Variants in SEL1L3 observed in about 807,000 individuals in gnomAD.
SEL1L3 encodes the protein protein sel-1 homolog 3.
A neutral mutation model predicts 142.8 loss-of-function variants in SEL1L3; 76 were observed. The ratio of observed to expected loss-of-function variants is 0.53; its 90% CI spans 0.44 to 0.64. The LOEUF is 0.64. Ranked by LOEUF, SEL1L3 falls within the 30% of genes least tolerant of loss-of-function variation. The probability of loss-of-function intolerance (pLI) is 0.00; values close to 1 mark genes in which losing one functional copy is unlikely to be tolerated. For missense variants in SEL1L3, 1,262 were observed against 1,381.7 expected (o/e 0.91, Z 1.37); for synonymous variants, 504 against 519.6 (o/e 0.97, Z 0.41).
chr4:25,850,119 G>A (rs185257865), intron 1 of SEL1L3, among the ~76,000 whole-genome samples: 12 of 152,280 alleles, frequency 7.9e-5, no homozygotes, highest in East Asian at 5.8e-4. Context: ...ATGTGGACAC[G>A]CAGGTATGAG....
the SEL1L3 span, among the ~76,000 whole-genome samples, chr4:25,731,944 C>T: frequency 3.9e-5 from 6 of 152,120 alleles, no homozygotes; most frequent in East Asian, 7.8e-4. Flanking sequence ...CATGGTGGTG[C>T]GTGTCTGTAA....
rs534884320 is a variant in SEL1L3 at position 25,768,414 on chromosome 4, T to C, written c.2670-584A>G. On this transcript the variant is annotated intron_variant, in intron 17 of 23. Transcript: ENST00000399878. Reference sequence around the variant, plus strand: ...GACCACTTTTCATCTGTTGAAAGATTGGTACAAGATTCATATTTGGAATAA... The same window carrying C: ...GACCACTTTTCATCTGTTGAAAGATCGGTACAAGATTCATATTTGGAATAA... Among the ~76,000 whole-genome samples, 5 of 152,278 alleles carry C rather than the reference T, an allele frequency of 3.3e-5. No individual in the cohort carries two copies. The East Asian group carries it at 9.6e-4, about 29-fold the overall frequency.
chr4:25,836,053 T>G (rs1401831686), intron 2 of SEL1L3, among the ~76,000 whole-genome samples: 2 of 152,178 alleles, frequency 1.3e-5, no homozygotes, highest in African/African-American at 2.4e-5. Context: ...AAATTGCAGT[T>G]TTTTTTCTTC....
At chr4:25,843,734 A>G (rs1716320333) in intron 2 of SEL1L3, among the ~76,000 whole-genome samples, 1 of 152,230 alleles carries the variant, frequency 6.6e-6, no homozygotes, top group East Asian at 1.9e-4. Context: ...CGTGTTCCCA[A>G]TGGCTACCGA....
At chr4:25,734,983 A>T in the SEL1L3 span, among the ~76,000 whole-genome samples, 1 of 151,124 alleles carries the variant, frequency 6.6e-6, no homozygotes, top group East Asian at 2.0e-4. Context: ...GTTCAGAAGT[A>T]TTTTTTTTCT....
At chr4:25,785,722 G>T (rs963365941) in intron 13 of SEL1L3, among the ~76,000 whole-genome samples, 2 of 152,164 alleles carry the variant, frequency 1.3e-5, no homozygotes, top group Admixed American at 1.3e-4. Context: ...AGTAACTGGA[G>T]AGGGGAGGAG....
At chr4:25,754,204 A>T (rs1004247096) in intron 23 of SEL1L3, among the ~76,000 whole-genome samples, 1 of 151,504 alleles carries the variant, frequency 6.6e-6, no homozygotes, top group Non-Finnish European at 1.5e-5. Flanking sequence ...CGGGAGGCTG[A>T]GGCAGAAGAA....
intron 1 of SEL1L3, among the ~76,000 whole-genome samples, chr4:25,849,887 T>C (rs535729834): frequency 1.8e-4 from 27 of 152,296 alleles, no homozygotes; most frequent in Non-Finnish European, 3.4e-4. Context: ...CCCATCAAAC[T>C]GTAAACAAGC....
intron 23 of SEL1L3, among the ~76,000 whole-genome samples, chr4:25,751,933 AC>A (rs1238914117): frequency 6.6e-6 from 1 of 151,710 alleles, no homozygotes; most frequent in Non-Finnish European, 1.5e-5. Flanking sequence ...ACATGGTGAA[AC>A]CCTGTCTCTA....
intron 1 of SEL1L3, among the ~76,000 whole-genome samples, chr4:25,858,448 C>G (rs187540717): frequency 4.6e-5 from 7 of 152,162 alleles, no homozygotes; most frequent in African/African-American, 1.7e-4. Context: ...GATGGATGAC[C>G]GAGGGTGTGT....
intron 9 of SEL1L3, among the ~76,000 whole-genome samples, chr4:25,809,408 G>A (rs776895979): frequency 1.3e-5 from 2 of 151,290 alleles, no homozygotes; most frequent in East Asian, 3.9e-4. Flanking sequence ...GCCTACCAAA[G>A]TGCTGGGATT....
At chr4:25,765,018 A>C (rs1365688316) in intron 20 of SEL1L3, among the ~76,000 whole-genome samples, 2 of 152,142 alleles carry the variant, frequency 1.3e-5, no homozygotes. Flanking sequence ...TTTCTGAGAC[A>C]GGGTCTTGCT....
At position 25,790,106 on chromosome 4, in the gene SEL1L3, T is replaced by C. The variant is rs573454430; in HGVS notation, c.2076+349A>G. 9.2e-5 allele frequency among the ~76,000 whole-genome samples: 14 copies of C among 152,322 alleles called. No individual in the cohort carries two copies. In the East Asian group the frequency reaches 2.7e-3, roughly 29 times the overall value. On this transcript the variant is annotated intron_variant, in intron 12 of 23. Coordinates refer to ENST00000399878, the MANE Select transcript of SEL1L3 (RefSeq NM_015187.5). ...TCTTTAGAGCTGGTCATAAATATTGTGGCTTTCCCTCTTTCTGGGTGAGTG... is the reference window on the plus strand; with the variant it reads ...TCTTTAGAGCTGGTCATAAATATTGCGGCTTTCCCTCTTTCTGGGTGAGTG...
intron 6 of SEL1L3, among the ~76,000 whole-genome samples, chr4:25,828,040 C>T (rs1198173906): frequency 6.6e-6 from 1 of 152,222 alleles, no homozygotes; most frequent in Non-Finnish European, 1.5e-5. Flanking sequence ...TATAACAACA[C>T]TCCTATGTGT....
intron 1 of SEL1L3, among the ~76,000 whole-genome samples, chr4:25,851,692 C>T (rs13140244): frequency 0.1 from 15,570 of 151,830 alleles, 968 homozygotes; most frequent in South Asian, 0.14. Context: ...AGATCGAGAC[C>T]ATCCTGGCCA....
intron 17 of SEL1L3, among the ~76,000 whole-genome samples, chr4:25,768,833 A>C (rs2109141764): frequency 6.6e-6 from 1 of 152,342 alleles, no homozygotes; most frequent in African/African-American, 2.4e-5. Context: ...CAGAGTATAA[A>C]ACAATGCATC....
intron 10 of SEL1L3, 106 bp downstream of exon 10, chr4:25,804,435 G>A: frequency 1.3e-6 from 1 of 794,958 alleles, no homozygotes; most frequent in Non-Finnish European, 2.1e-6. Flanking sequence ...ATTTTTAAAG[G>A]TCTCCAAGGA....
At chr4:25,769,350 G>A (rs1350359041) in intron 17 of SEL1L3, among the ~76,000 whole-genome samples, 1 of 152,148 alleles carries the variant, frequency 6.6e-6, no homozygotes, top group Admixed American at 6.5e-5. Context: ...TGGCTGCTGA[G>A]GGAGCCAATT....
intron 2 of SEL1L3, among the ~76,000 whole-genome samples, chr4:25,841,234 A>G (rs995581618): frequency 6.6e-6 from 1 of 152,094 alleles, no homozygotes; most frequent in South Asian, 2.1e-4. Flanking sequence ...GGCTTTCACC[A>G]TGTTGGCTAG....
Sources: gnomAD v4.1 joint callset for allele counts (sites outside exome capture counted in the v4.1 genomes callset) on GRCh38, gnomAD v4.1.1 for gene constraint, MANE v1.5 for transcripts, NCBI Gene and HGNC (gene_info 2026-07-23, HGNC 2026-07-21) for gene names.